PHF3: variants seen among roughly 807,000 people sequenced by gnomAD.
PHF3 encodes PHD finger protein 3.
Under a neutral mutation model 178.4 loss-of-function variants are expected in PHF3, and 41 were observed. That is an observed-to-expected ratio of 0.23 (90% CI 0.18 to 0.30). The LOEUF (loss-of-function observed/expected upper bound fraction) is 0.30, where lower values mean the gene tolerates loss of function less well. PHF3 is among the 10% of genes least tolerant of loss of function. The probability of loss-of-function intolerance (pLI) is 1.00; values close to 1 mark genes in which losing one functional copy is unlikely to be tolerated. For missense variants in PHF3, 2,346 were observed against 2,398.1 expected (o/e 0.98, Z 0.45); for synonymous variants, 842 against 800.5 (o/e 1.05, Z -0.88).
rs1768191710 is a variant in PHF3, at chr6:63,716,405, C to T, written c.*2697C>T. ...CTGTCTGAAACCCTTCACTGAGCAA[C>T]CCAACTGTTCAGTGTGAGTCAGAAG... On this transcript the variant is annotated 3_prime_UTR_variant, in exon 16 of 16. Transcript: ENST00000262043. Among the ~76,000 whole-genome samples the T allele has an allele frequency of 6.6e-6, 1 of 152,140 alleles. No homozygotes were observed. Among genetic ancestry groups the T allele is most frequent in the Admixed American group, 6.6e-5 (1 of 15,246 alleles).
chr6:63,716,135 G>A lies in PHF3; in HGVS notation c.*2427G>A, dbSNP rs1278675367. ...AGGCATCCCTGGTTTTGAGCACTTAGTATAAACATTGGTCAACTCAAAGGT... is the reference window on the plus strand; with the variant it reads ...AGGCATCCCTGGTTTTGAGCACTTAATATAAACATTGGTCAACTCAAAGGT... On this transcript the variant is annotated 3_prime_UTR_variant, in exon 16 of 16. Coordinates refer to ENST00000262043, the MANE Select transcript of PHF3 (RefSeq NM_001370348.2). Among the ~76,000 whole-genome samples, 1 of 152,118 alleles carries A rather than the reference G, an allele frequency of 6.6e-6. No individual in the cohort carries two copies. Among genetic ancestry groups the A allele is most frequent in the African/African-American group, 2.4e-5 (1 of 41,422 alleles).
intron 1 of PHF3, among the ~76,000 whole-genome samples, chr6:63,642,635 C>T (rs145042128): frequency 6.6e-6 from 1 of 152,246 alleles, no homozygotes; most frequent in East Asian, 1.9e-4. Flanking sequence ...TGGATATACA[C>T]GTATCATCAG....
rs569380487 is a variant in PHF3 at position 63,721,855 on chromosome 6, T to C, written c.*8147T>C. On this transcript the variant is annotated 3_prime_UTR_variant, in exon 16 of 16. Transcript: ENST00000262043. ...AACAGTAAAAGTTTCCATTGAAAAC[T>C]TTTGCTGTTTCTGGCCAAGTTGGAT... is the stretch of plus-strand genomic sequence containing the variant. 6.8e-7 allele frequency: 1 copy of C among 1,471,642 alleles called. No individual in the cohort carries two copies. The highest frequency in any genetic ancestry group is 2.6e-5 in the Admixed American group (1 of 39,104). The allele number at this position is 1,471,642 out of a possible 1,614,324, so 91.2% of individuals were successfully genotyped here. A position where few individuals can be genotyped will look rare whatever the true frequency, so the allele number is the denominator to read the frequency against.
In PHF3 at chr6:63,691,939, A is replaced by C; in HGVS notation, c.2392A>C (p.Lys798Gln). ...TACAGTTGAATTCCATAGTGGAGAT[A>C]AAACAATGGAGTGTGAAAAGCTTGG... is the stretch of plus-strand genomic sequence containing the variant. ...QATVEFHSGDKTMECEKLGLS... is the reference protein window; with the variant it reads ...QATVEFHSGDQTMECEKLGLS... The change falls in exon 5 of 16, where the codon AAA (lysine) becomes CAA (glutamine). Residue 798 changes from lysine (K) to glutamine (Q), a missense_variant. Physicochemically the swap from Lys to Gln is moderately conservative, Grantham distance 53. Around this residue, in one of 8 missense-constraint regions of PHF3, gnomAD observed 252 missense variants for 232.0 expected, o/e 1.09. Coordinates refer to ENST00000262043, the MANE Select transcript of PHF3 (RefSeq NM_001370348.2). The C allele has an allele frequency of 6.2e-7, 1 of 1,613,534 alleles. No individual in the cohort carries two copies. Among genetic ancestry groups the C allele is most frequent in the Non-Finnish European group, 8.5e-7 (1 of 1,179,516 alleles).
chr6:63,653,363 A>T (rs1335994567), intron 2 of PHF3, among the ~76,000 whole-genome samples: 1 of 151,324 alleles, frequency 6.6e-6, no homozygotes, highest in East Asian at 1.9e-4. Flanking sequence ...TGTTCTCTTT[A>T]ATTTCTGTTA....
chr6:63,649,443 T>C (rs1582003314), intron 2 of PHF3, among the ~76,000 whole-genome samples: 2 of 152,312 alleles, frequency 1.3e-5, no homozygotes, highest in African/African-American at 2.4e-5. Context: ...CTTAGACCAA[T>C]GAAAGCTATA....
Position 63,721,431 on chromosome 6 carries a change from C to A in PHF3, c.*7723C>A, listed in dbSNP as rs1446670099. ...ATCACAGTCACCTACATTTGAGCCA[C>A]CTTTTGCTCCAAATTCAGTTAATTG... On this transcript the variant is annotated 3_prime_UTR_variant, in exon 16 of 16. Coordinates refer to ENST00000262043, the MANE Select transcript of PHF3 (RefSeq NM_001370348.2). 2 of 1,551,686 alleles carry A rather than the reference C, an allele frequency of 1.3e-6. No individual in the cohort carries two copies. The highest frequency in any genetic ancestry group is 2.7e-5 in the African/African-American group (2 of 73,168).
chr6:63,659,321 A>T (rs189135517), intron 2 of PHF3, among the ~76,000 whole-genome samples: 1 of 152,330 alleles, frequency 6.6e-6, no homozygotes, highest in Admixed American at 6.5e-5. Context: ...TCAGAAGATG[A>T]TAAATTATTC....
Position 63,713,734 on chromosome 6 carries a change from AT to A in PHF3, c.*29del. ...AATTTGCAGGCTGCTTCAGGATTAC[AT>A]TTAAATAACTGTTAAAATGTTGTAT... On this transcript the variant is annotated 3_prime_UTR_variant, in exon 16 of 16. Transcript: ENST00000262043. 6.7e-7 allele frequency: 1 copy of A among 1,492,576 alleles called. No individual in the cohort carries two copies. Among genetic ancestry groups the A allele is most frequent in the Non-Finnish European group, 9.0e-7 (1 of 1,114,842 alleles). The allele number at this position is 1,492,576 out of a possible 1,614,324, so 92.5% of individuals were successfully genotyped here. A position where few individuals can be genotyped will look rare whatever the true frequency, so the allele number is the denominator to read the frequency against.
Position 63,720,406 on chromosome 6 carries a change from A to C in PHF3, c.*6698A>C. The C allele has an allele frequency of 1.9e-6, 1 of 517,296 alleles. No individual in the cohort carries two copies. Among genetic ancestry groups the C allele is most frequent in the Non-Finnish European group, 3.3e-6 (1 of 299,040 alleles). The allele number at this position is 517,296 out of a possible 1,614,324, so 32.0% of individuals were successfully genotyped here. A position where few individuals can be genotyped will look rare whatever the true frequency, so the allele number is the denominator to read the frequency against. ...ACATGAATCAAAATATATACAGATA[A>C]ATTAGATGTAGGAAAAACAATCAGA... On this transcript the variant is annotated 3_prime_UTR_variant, in exon 16 of 16. Coordinates refer to ENST00000262043, the MANE Select transcript of PHF3 (RefSeq NM_001370348.2).
chr6:63,708,994 T>C (rs1582120129), intron 13 of PHF3, among the ~76,000 whole-genome samples, 157 bp from the exon 14 acceptor site: 1 of 152,344 alleles, frequency 6.6e-6, no homozygotes, highest in East Asian at 1.9e-4. Flanking sequence ...AATTGCTCTC[T>C]GTATTCTGTT....
At chr6:63,673,421 C>A (rs1428761261) in intron 2 of PHF3, among the ~76,000 whole-genome samples, 1 of 151,966 alleles carries the variant, frequency 6.6e-6, no homozygotes, top group Non-Finnish European at 1.5e-5. Context: ...AGGAGAAAAC[C>A]CCTGAAACAT....
intron 13 of PHF3, among the ~76,000 whole-genome samples, chr6:63,707,847 G>GTTTGTGTTTGTTTTTGTTTTTGTT (rs1554111513): frequency 6.8e-6 from 1 of 147,962 alleles, no homozygotes; most frequent in African/African-American, 2.5e-5. Context: ...GCAGTTGTGG[G>GTTTGTGTTTGTTTTTGTTTTTGTT]TTTGTTTTTG....
chr6:63,712,114 A>G lies in PHF3; in HGVS notation c.4526A>G (p.Lys1509Arg), dbSNP rs1767953608. 2 of 1,613,594 alleles carry G rather than the reference A, an allele frequency of 1.2e-6. No homozygotes were observed. Among genetic ancestry groups the G allele is most frequent in the Non-Finnish European group, 1.7e-6 (2 of 1,179,898 alleles). ...GAGCAGACCAACTCAAAAATAGAGAAAACAGATAATGTGGAAGTAACTGAT... is the reference window on the plus strand; with the variant it reads ...GAGCAGACCAACTCAAAAATAGAGAGAACAGATAATGTGGAAGTAACTGAT... ...LNEQTNSKIE[K>R]TDNVEVTDGE... Residue 1509 changes from lysine (K) to arginine (R), a missense_variant, in exon 16 of 16, where the codon AAA becomes AGA. Coordinates refer to ENST00000262043, the MANE Select transcript of PHF3 (RefSeq NM_001370348.2).
In PHF3 at chr6:63,641,530, G is replaced by A. The variant is rs1465837816; in HGVS notation, c.-25-4997G>A. On this transcript the variant is annotated intron_variant, in intron 1 of 15. Coordinates refer to ENST00000262043, the MANE Select transcript of PHF3 (RefSeq NM_001370348.2). ...TAGTGATTTATTGTTAGGTGTGTATGTGTGTGTGTGTGTGTGTGTGTGTGT... is the reference window on the plus strand; with the variant it reads ...TAGTGATTTATTGTTAGGTGTGTATATGTGTGTGTGTGTGTGTGTGTGTGT... Among the ~76,000 whole-genome samples the A allele has an allele frequency of 4.0e-3, 113 of 28,604 alleles. 1 individual carries two copies. The highest frequency in any genetic ancestry group is 1.7e-3 in the Non-Finnish European group (29 of 16,994). 18.8% of individuals were successfully genotyped at this position (28,604 alleles called of 152,430 possible). A position where few individuals can be genotyped will look rare whatever the true frequency, so the allele number is the denominator to read the frequency against.
chr6:63,683,011 A>C (rs192412294), intron 3 of PHF3, among the ~76,000 whole-genome samples: 33 of 152,212 alleles, frequency 2.2e-4, no homozygotes, highest in African/African-American at 7.7e-4. Context: ...TATTTAAAAA[A>C]ATTTTATAAC....
At chr6:63,650,279 T>C (rs1764968446) in intron 2 of PHF3, among the ~76,000 whole-genome samples, 2 of 152,342 alleles carry the variant, frequency 1.3e-5, no homozygotes, top group South Asian at 4.1e-4. Context: ...CAAGGCTGCA[T>C]TATGGCTAGC....
chr6:63,699,277 G>A (rs569703097), intron 8 of PHF3, among the ~76,000 whole-genome samples: 1 of 152,276 alleles, frequency 6.6e-6, no homozygotes, highest in South Asian at 2.1e-4. Flanking sequence ...ACATTTTAAA[G>A]GTTCAGAACA....
Position 63,664,606 on chromosome 6 carries a change from G to A in PHF3, c.245-15394G>A, listed in dbSNP as rs533587274. 2.6e-5 allele frequency among the ~76,000 whole-genome samples: 4 copies of A among 152,112 alleles called. No homozygotes were observed. In the South Asian group the frequency reaches 8.3e-4, roughly 32 times the overall value. On this transcript the variant is annotated intron_variant, in intron 2 of 15. Coordinates refer to ENST00000262043, the MANE Select transcript of PHF3 (RefSeq NM_001370348.2). ...GATATTAAATATTTTAAAATGTTGA[G>A]CCATAGATAAAATATTTATACTTTT...
Sources: allele counts gnomAD v4.1 joint callset (sites outside exome capture counted in the v4.1 genomes callset), GRCh38; gene constraint gnomAD v4.1.1; regional missense constraint gnomAD v4.1.1; transcripts MANE v1.5; gene names NCBI Gene and HGNC (gene_info 2026-07-23, HGNC 2026-07-21).